The following CDK13 variants were observed in gnomAD, a reference collection of about 807,000 sequenced individuals.
The protein encoded by CDK13 is cyclin-dependent kinase 13.
A neutral mutation model predicts 137.6 loss-of-function variants in CDK13; 40 were observed. The ratio of observed to expected loss-of-function variants is 0.29; its 90% CI spans 0.23 to 0.38. The LOEUF (loss-of-function observed/expected upper bound fraction) is 0.38. Among genes scored for constraint, CDK13 ranks in the 10% least tolerant of loss-of-function variants. The pLI, the probability that CDK13 is intolerant of heterozygous loss-of-function variation, is 1.00. For missense variants in CDK13, 1,704 were observed against 1,951.8 expected, an observed-to-expected ratio of 0.87 and a Z score of 2.39; for synonymous variants, 869 against 760.1, an observed-to-expected ratio of 1.14 and a Z score of -2.36.
In CDK13 at chr7:39,982,892, G is replaced by A. The variant is rs1290828399; in HGVS notation, c.1212-4707G>A. ...GTTTTTTTCTTGTAAATTTGTTTGA[G>A]TTCATTGTAGATTCTGGGTATTAGC... On this transcript the variant is annotated intron_variant, in intron 1 of 13. Coordinates refer to ENST00000181839, the MANE Select transcript of CDK13 (RefSeq NM_003718.5). Among the ~76,000 whole-genome samples the A allele has an allele frequency of 4.6e-5, 7 of 152,224 alleles. No individual in the cohort carries two copies. The South Asian group carries it at 6.2e-4, about 14-fold the overall frequency.
intron 1 of CDK13, 79 bp downstream of exon 1, chr7:39,951,931 G>C (rs1787234066): frequency 7.7e-7 from 1 of 1,300,874 alleles, no homozygotes; most frequent in Non-Finnish European, 9.8e-7. Flanking sequence ...TGGTGCCCGG[G>C]TCCTCAGAAC....
At chr7:39,968,452 G>C (rs113883274) in intron 1 of CDK13, among the ~76,000 whole-genome samples, 14 of 152,228 alleles carry the variant, frequency 9.2e-5, no homozygotes, top group African/African-American at 3.1e-4. Context: ...TGCCAAGGCT[G>C]GTCTTGGAAC....
rs145336685 is a variant in CDK13, at chr7:40,010,689, A to G, written c.2353+8658A>G. 5.5e-4 allele frequency among the ~76,000 whole-genome samples: 84 copies of G among 152,286 alleles called. No individual in the cohort carries two copies. In the East Asian group the frequency reaches 0.01, roughly 19 times the overall value. The stretch of plus-strand genomic sequence containing the variant: ...AGAGGGAGACTCCATCTCAAAACAA[A>G]ACAAAAAACAGTTGGAACTTCGCTC... On this transcript the variant is annotated intron_variant, in intron 5 of 13. Transcript: ENST00000181839.
chr7:40,037,247 G>A (rs1785504414), intron 5 of CDK13, among the ~76,000 whole-genome samples: 1 of 152,166 alleles, frequency 6.6e-6, no homozygotes, highest in African/African-American at 2.4e-5. Context: ...CAGGAATTTG[G>A]GAGAATCTTG....
intron 2 of CDK13, among the ~76,000 whole-genome samples, chr7:39,990,147 C>G (rs1307744616): frequency 6.6e-6 from 1 of 151,986 alleles, no homozygotes; most frequent in South Asian, 2.1e-4. Context: ...AGAACTCTTA[C>G]GTATACATGT....
At position 40,094,248 on chromosome 7, in the gene CDK13, A is replaced by G. The variant is rs890533028; in HGVS notation, c.3807A>G (p.Pro1269=). The part of the protein sequence containing the change: ...QRPPEPPEPP[P]VTEEDLDYRT... ...CTCCCGAGCCTCCTGAACCACCACCAGTCACTGAGGAAGATCTAGATTATC... is the reference window on the plus strand; with the variant it reads ...CTCCCGAGCCTCCTGAACCACCACCGGTCACTGAGGAAGATCTAGATTATC... The change falls in exon 14 of 14, where the codon CCA becomes CCG. Residue 1269 remains proline, a synonymous_variant. Transcript: ENST00000181839. The G allele has an allele frequency of 3.7e-6, 6 of 1,612,878 alleles. No individual in the cohort carries two copies. The Admixed American group carries it at 6.7e-5, about 18-fold the overall frequency.
At chr7:39,997,705 G>A in intron 3 of CDK13, 41 bp downstream of exon 3, 1 of 1,455,924 alleles carries the variant, frequency 6.9e-7, no homozygotes, top group Non-Finnish European at 9.5e-7. Flanking sequence ...TTGACCAGCA[G>A]TGATTCTGGG....
Position 40,089,994 on chromosome 7 carries a change from A to G in CDK13, c.3235+1663A>G, listed in dbSNP as rs77199697. Among the ~76,000 whole-genome samples the G allele has an allele frequency of 2.8e-3, 431 of 152,320 alleles. 3 individuals carry two copies. The highest frequency in any genetic ancestry group is 9.6e-3 in the African/African-American group (399 of 41,574). On this transcript the variant is annotated intron_variant, in intron 12 of 13. Coordinates refer to ENST00000181839, the MANE Select transcript of CDK13 (RefSeq NM_003718.5). ...ACTGCATACTTAAAGTACTCATTCA[A>G]TGAATACCAAAAGCAATTGTTATTT...
At position 40,098,729 on chromosome 7, in the gene CDK13, A is replaced by G. The variant is rs953244974; in HGVS notation, c.*3749A>G. On this transcript the variant is annotated 3_prime_UTR_variant, in exon 14 of 14. Transcript: ENST00000181839. ...GCCATACCTAAATTCTGCAGTAAAT[A>G]CTTAACTTTTTAATAGGGAAATTGC... 1 of 152,092 alleles carries G rather than the reference A, an allele frequency of 6.6e-6. No homozygotes were observed. Among genetic ancestry groups the G allele is most frequent in the African/African-American group, 2.4e-5 (1 of 41,436 alleles). The allele number at this position is 152,092 out of a possible 1,614,324, so 9.4% of individuals were successfully genotyped here. A position where few individuals can be genotyped will look rare whatever the true frequency, so the allele number is the denominator to read the frequency against.
At chr7:40,064,014 G>T (rs933131849) in intron 9 of CDK13, among the ~76,000 whole-genome samples, 1 of 152,036 alleles carries the variant, frequency 6.6e-6, no homozygotes, top group African/African-American at 2.4e-5. Context: ...GCCAGGCACG[G>T]TTTCTCACGC....
chr7:40,041,468 C>G (rs1412711952), intron 5 of CDK13, among the ~76,000 whole-genome samples: 1 of 152,082 alleles, frequency 6.6e-6, no homozygotes, highest in East Asian at 1.9e-4. Flanking sequence ...GTGTTTTGCA[C>G]TCATAGCATT....
chr7:39,983,303 A>G (rs1480700884), intron 1 of CDK13, among the ~76,000 whole-genome samples: 1 of 152,104 alleles, frequency 6.6e-6, no homozygotes, highest in Non-Finnish European at 1.5e-5. Flanking sequence ...TTGTTTTTTC[A>G]GTAGAGATGG....
Position 40,093,235 on chromosome 7 carries a change from C to T in CDK13, c.3686C>T (p.Ser1229Leu), listed in dbSNP as rs1242026856. 21 of 1,608,012 alleles carry T rather than the reference C, an allele frequency of 1.3e-5. No individual in the cohort carries two copies. The highest frequency in any genetic ancestry group is 1.6e-4 in the Middle Eastern group (1 of 6,070). Reference sequence around the variant, plus strand: ...CCTCCAGAACCTAGCACTCCGGTGTCGGGTAAGTGTGCAGATACCAGACCA... The same window carrying T: ...CCTCCAGAACCTAGCACTCCGGTGTTGGGTAAGTGTGCAGATACCAGACCA... Reference protein sequence around the residue: ...RPPPEPSTPVSGQDDLIQHQD... With the variant: ...RPPPEPSTPVLGQDDLIQHQD... Residue 1229 changes from serine to leucine, a missense_variant and splice_region_variant, in exon 13 of 14, where the codon TCG becomes TTG. By Grantham distance (145) the Ser-to-Leu change is moderately radical. Coordinates refer to ENST00000181839, the MANE Select transcript of CDK13 (RefSeq NM_003718.5).
intron 11 of CDK13, among the ~76,000 whole-genome samples, chr7:40,080,021 T>C (rs558966705): frequency 6.6e-6 from 1 of 152,222 alleles, no homozygotes; most frequent in South Asian, 2.1e-4. Context: ...AAAGTCTCAC[T>C]CTGTCTCCCA....
chr7:39,969,125 T>G (rs1783940197), intron 1 of CDK13, among the ~76,000 whole-genome samples: 1 of 152,158 alleles, frequency 6.6e-6, no homozygotes, highest in East Asian at 1.9e-4. Flanking sequence ...TTCCCCTGTC[T>G]CAGCCTCCCA....
chr7:40,043,226 C>T (rs80150058), intron 5 of CDK13, among the ~76,000 whole-genome samples: 480 of 152,272 alleles, frequency 3.2e-3, no homozygotes, highest in Non-Finnish European at 5.7e-3. Context: ...TTTGTCAAAA[C>T]ACTATTTTAT....
intron 5 of CDK13, among the ~76,000 whole-genome samples, chr7:40,003,885 T>A (rs1013471158): frequency 1.3e-5 from 2 of 152,228 alleles, no homozygotes; most frequent in African/African-American, 4.8e-5. Flanking sequence ...TGAATGTTGC[T>A]TTATTCATTA....
chr7:39,990,655 G>A (rs139528981), intron 2 of CDK13, among the ~76,000 whole-genome samples: 70 of 152,296 alleles, frequency 4.6e-4, no homozygotes, highest in Admixed American at 7.8e-4. Context: ...TTAGTGGGCT[G>A]TAGTAGAAAG....
chr7:40,078,198 A>G (rs531596685), intron 10 of CDK13, 77 bp downstream of exon 10: 7 of 716,608 alleles, frequency 9.8e-6, no homozygotes, highest in African/African-American at 7.3e-5. Context: ...ATGTTAGTCT[A>G]TTCTCTAGTG....
Sources: allele counts gnomAD v4.1 joint callset (sites outside exome capture counted in the v4.1 genomes callset), GRCh38; gene constraint gnomAD v4.1.1; transcripts MANE v1.5; gene names NCBI Gene and HGNC (gene_info 2026-07-23, HGNC 2026-07-21).